The following BAD variants were observed in gnomAD, a reference collection of about 807,000 sequenced individuals.
BAD encodes the protein BCL2 associated agonist of cell death.
BAD carries 18 observed loss-of-function variants against 17.8 expected under a neutral mutation model. That is an observed-to-expected ratio of 1.01 (90% CI 0.70 to 1.50). The LOEUF (loss-of-function observed/expected upper bound fraction) is 1.50. Among genes scored for constraint, BAD ranks in the 40% most tolerant of loss-of-function variants. The pLI is 0.00. For missense variants in BAD, 294 were observed against 239.3 expected, an observed-to-expected ratio of 1.23 and a Z score of -1.51; for synonymous variants, 112 against 91.5, an observed-to-expected ratio of 1.22 and a Z score of -1.28.
intron 2 of BAD, chr11:64,276,852 A>G: frequency 1.4e-6 from 1 of 735,398 alleles, no homozygotes; most frequent in Middle Eastern, 2.4e-4. Context: ...CTGGGTGTGG[A>G]AGTGGAGGGT....
At chr11:64,277,050 T>G (rs919416390) in intron 2 of BAD, 1 of 711,050 alleles carries the variant, frequency 1.4e-6, no homozygotes, top group Admixed American at 2.0e-5. Context: ...CTCCCTGTTT[T>G]ATAGATGAGG....
At chr11:64,281,843 C>T (rs1032640131) in intron 2 of BAD, among the ~76,000 whole-genome samples, 3 of 152,216 alleles carry the variant, frequency 2.0e-5, no homozygotes, top group Admixed American at 6.5e-5. Context: ...GCCTCAGCCT[C>T]CCGAGTAGCT....
intron 3 of BAD, 88 bp downstream of exon 3, chr11:64,271,525 C>G (rs1463510124): frequency 2.3e-6 from 3 of 1,297,550 alleles, no homozygotes; most frequent in African/African-American, 1.5e-5. Context: ...GACTCCAGAT[C>G]CGGGCGTGCC....
chr11:64,280,361 T>TA (rs2033378425), intron 2 of BAD, among the ~76,000 whole-genome samples: 2 of 61,556 alleles, frequency 3.2e-5, no homozygotes, highest in African/African-American at 4.4e-5. Flanking sequence ...AATAATAATT[T>TA]TTTTTTTTGA....
chr11:64,278,257 G>C (rs1374797802), intron 2 of BAD, among the ~76,000 whole-genome samples: 1 of 151,974 alleles, frequency 6.6e-6, no homozygotes, highest in Non-Finnish European at 1.5e-5. Flanking sequence ...AGCCAAGAAT[G>C]TACATAAAGG....
intron 3 of BAD, among the ~76,000 whole-genome samples, chr11:64,271,386 C>T (rs1293802321): frequency 8.7e-5 from 12 of 138,544 alleles, no homozygotes; most frequent in South Asian, 2.2e-4. Flanking sequence ...GTGACTCACA[C>T]ACACACACAC....
At chr11:64,278,866 G>A (rs2033241342) in intron 2 of BAD, among the ~76,000 whole-genome samples, 1 of 152,216 alleles carries the variant, frequency 6.6e-6, no homozygotes, top group Non-Finnish European at 1.5e-5. Context: ...GAGGGCAGAG[G>A]CCCCGTGGCT....
At chr11:64,273,929 G>A (rs1262671166) in intron 2 of BAD, among the ~76,000 whole-genome samples, 1 of 149,634 alleles carries the variant, frequency 6.7e-6, no homozygotes, top group Non-Finnish European at 1.5e-5. Context: ...AGATATGTCT[G>A]TCAGGGAGGC....
At chr11:64,277,712 T>C (rs1471292836) in intron 2 of BAD, among the ~76,000 whole-genome samples, 1 of 152,178 alleles carries the variant, frequency 6.6e-6, no homozygotes, top group African/African-American at 2.4e-5. Context: ...GTGCTGGGAT[T>C]ACAGGTATGA....
rs757801724 is a variant in BAD at position 64,270,172 on chromosome 11, G to A, written c.*37C>T. Reference sequence around the variant, plus strand: ...ATATTCAAGATGGCTGCCCAGGGCAGTGGGAACGGGTGGAGTTTCGGGATG... The same window carrying A: ...ATATTCAAGATGGCTGCCCAGGGCAATGGGAACGGGTGGAGTTTCGGGATG... On this transcript the variant is annotated 3_prime_UTR_variant, in exon 4 of 4. Coordinates refer to ENST00000309032, the MANE Select transcript of BAD (RefSeq NM_032989.3). 1.9e-6 allele frequency: 3 copies of A among 1,613,970 alleles called. No homozygotes were observed. The highest frequency in any genetic ancestry group is 2.2e-5 in the East Asian group (1 of 44,882).
intron 2 of BAD, among the ~76,000 whole-genome samples, chr11:64,272,038 C>G (rs1400527983): frequency 1.3e-5 from 2 of 152,194 alleles, no homozygotes; most frequent in Non-Finnish European, 2.9e-5. Flanking sequence ...TTACCGAGTG[C>G]CAATAATGGG....
At position 64,269,841 on chromosome 11, in the gene BAD, C is replaced by T; in HGVS notation, c.*368G>A. ...CACAGAAAAGCCTCGGCGGCACAGA[C>T]GCGGGCTTTATTAACATTTGGTAGT... On this transcript the variant is annotated 3_prime_UTR_variant, in exon 4 of 4. Coordinates refer to ENST00000309032, the MANE Select transcript of BAD (RefSeq NM_032989.3). The T allele has an allele frequency of 1.4e-6, 1 of 694,362 alleles. No individual in the cohort carries two copies. The highest frequency in any genetic ancestry group is 2.6e-6 in the Non-Finnish European group (1 of 381,706). The allele number at this position is 694,362 out of a possible 1,614,324, so 43.0% of individuals were successfully genotyped here. A position where few individuals can be genotyped will look rare whatever the true frequency, so the allele number is the denominator to read the frequency against.
At chr11:64,279,669 A>G (rs1233401481) in intron 2 of BAD, among the ~76,000 whole-genome samples, 1 of 150,216 alleles carries the variant, frequency 6.7e-6, no homozygotes. Context: ...AGGCTCAGGC[A>G]GGAGAATGGC....
chr11:64,271,776 C>G lies in BAD; in HGVS notation c.215G>C (p.Arg72Pro). The G allele has an allele frequency of 7.3e-7, 1 of 1,374,742 alleles. No homozygotes were observed. The highest frequency in any genetic ancestry group is 9.4e-7 in the Non-Finnish European group (1 of 1,060,656). 85.2% of individuals were successfully genotyped at this position (1,374,742 alleles called of 1,614,324 possible). ...CGTCCCCGCGGGGTAGGAGCTGTGG[C>G]GACTCCGGATCTCCACAGCCCCAGC... ...GGAGAVEIRS[R>P]HSSYPAGTED... The change falls in exon 3 of 4, where the codon CGC (arginine) becomes CCC (proline). Residue 72 changes from arginine to proline, a missense_variant. By Grantham distance (103) the Arg-to-Pro change is moderately radical. Coordinates refer to ENST00000309032, the MANE Select transcript of BAD (RefSeq NM_032989.3).
rs552180755 is a variant in BAD, at chr11:64,270,097, G to C, written c.*112C>G. On this transcript the variant is annotated 3_prime_UTR_variant, in exon 4 of 4. Coordinates refer to ENST00000309032, the MANE Select transcript of BAD (RefSeq NM_032989.3). ...CTGGGTCAGCCCTCCCTCCAAAGGAGACAGCACGGATCCTCTTTTTGCATA... is the reference window on the plus strand; with the variant it reads ...CTGGGTCAGCCCTCCCTCCAAAGGACACAGCACGGATCCTCTTTTTGCATA... 2.6e-6 allele frequency: 4 copies of C among 1,536,304 alleles called. No individual in the cohort carries two copies. Among genetic ancestry groups the C allele is most frequent in the African/African-American group, 2.7e-5 (2 of 73,278 alleles).
chr11:64,283,477 C>G (rs967466348), intron 2 of BAD, among the ~76,000 whole-genome samples: 3 of 152,186 alleles, frequency 2.0e-5, no homozygotes, highest in Admixed American at 1.3e-4. Context: ...CATCTTGGAG[C>G]CTGTGCTTCT....
At chr11:64,284,443 G>A (rs1047921787) in intron 1 of BAD, 67 bp from the exon 2 acceptor site, 3 of 1,603,702 alleles carry the variant, frequency 1.9e-6, no homozygotes, top group Non-Finnish European at 2.5e-6. Flanking sequence ...GAAGGCAGAG[G>A]CAGGTACCCC....
At chr11:64,275,525 G>A (rs660442) in intron 2 of BAD, among the ~76,000 whole-genome samples, 24,427 of 152,028 alleles carry the variant, frequency 0.16, 2,518 homozygotes, top group Admixed American at 0.24. Context: ...GCCCCCTACC[G>A]GCCCCTCATA....
rs936189259 is a variant in BAD, at chr11:64,270,405, C to T, written c.379-68G>A. 17 of 1,476,618 alleles carry T rather than the reference C, an allele frequency of 1.2e-5. No individual in the cohort carries two copies. In the African/African-American group the frequency reaches 2.0e-4, roughly 17 times the overall value. 91.5% of individuals were successfully genotyped at this position (1,476,618 alleles called of 1,614,324 possible). On this transcript the variant is annotated intron_variant, in intron 3 of 3. Coordinates refer to ENST00000309032, the MANE Select transcript of BAD (RefSeq NM_032989.3). ...GCAGCTCGAGCCAGGCTCTCCACTT[C>T]CGTGAGCCTTCCTCTAAGTGAGATC... is the stretch of plus-strand genomic sequence containing the variant.
Sources: allele counts gnomAD v4.1 joint callset (sites outside exome capture counted in the v4.1 genomes callset), GRCh38; gene constraint gnomAD v4.1.1; transcripts MANE v1.5; gene names NCBI Gene and HGNC (gene_info 2026-07-23, HGNC 2026-07-21).